NFATC2: variants seen among roughly 807,000 people sequenced by gnomAD.
NFATC2 encodes nuclear factor of activated T cells 2.
A neutral mutation model predicts 87.3 loss-of-function variants in NFATC2; 22 were observed. The observed-to-expected ratio is 0.25, with a 90% confidence interval of 0.18 to 0.36. NFATC2 has a LOEUF of 0.36. NFATC2 is among the 10% of genes least tolerant of loss of function. The probability of loss-of-function intolerance (pLI) is 1.00; values close to 1 mark genes in which losing one functional copy is unlikely to be tolerated. For missense variants in NFATC2, 1,149 were observed against 1,259.1 expected (o/e 0.91, Z 1.32); for synonymous variants, 565 against 542.2 (o/e 1.04, Z -0.58).
intron 5 of NFATC2, among the ~76,000 whole-genome samples, chr20:51,460,604 C>T (rs886866361): frequency 2.7e-5 from 4 of 149,402 alleles, no homozygotes; most frequent in Admixed American, 6.7e-5. Flanking sequence ...CTGCTGTTCT[C>T]GGTGAATCCT....
chr20:51,447,086 GA>G (rs3838020), intron 6 of NFATC2, among the ~76,000 whole-genome samples: 61,422 of 151,132 alleles, frequency 0.41, 14,999 homozygotes, highest in African/African-American at 0.69. Flanking sequence ...ACTTAATTTA[GA>G]AAAAAAAAAA....
chr20:51,517,003 G>A, intron 2 of NFATC2, 48 bp from the exon 3 acceptor site: 6 of 1,553,436 alleles, frequency 3.9e-6, no homozygotes, highest in Non-Finnish European at 5.3e-6. Context: ...ACCAAAATTA[G>A]TCAACTTGTA....
chr20:51,475,904 C>T (rs1285607512), intron 3 of NFATC2, among the ~76,000 whole-genome samples: 3 of 152,128 alleles, frequency 2.0e-5, no homozygotes, highest in Admixed American at 1.3e-4. Flanking sequence ...TAAGTCAGAA[C>T]TGCATTTATG....
chr20:51,533,511 C>G (rs1162142544), intron 1 of NFATC2, among the ~76,000 whole-genome samples: 1 of 152,236 alleles, frequency 6.6e-6, no homozygotes, highest in Admixed American at 6.5e-5. Flanking sequence ...GAAATTCCAT[C>G]TGGATAAATC....
At chr20:51,465,725 G>A (rs1187143997) in intron 5 of NFATC2, among the ~76,000 whole-genome samples, 1 of 151,892 alleles carries the variant, frequency 6.6e-6, no homozygotes, top group African/African-American at 2.4e-5. Context: ...TGCTGTTCCC[G>A]CACTCCCAAG....
chr20:51,489,655 C>T (rs748137950), intron 3 of NFATC2, among the ~76,000 whole-genome samples: 3 of 152,170 alleles, frequency 2.0e-5, no homozygotes, highest in Non-Finnish European at 4.4e-5. Flanking sequence ...CACATGGATA[C>T]GTGCACCGGC....
At chr20:51,423,267 G>A (rs951070099) in intron 9 of NFATC2, among the ~76,000 whole-genome samples, 26 of 130,626 alleles carry the variant, frequency 2.0e-4, no homozygotes, top group African/African-American at 7.0e-4. Context: ...TGCAGCCTGG[G>A]TGACAGAGTG....
rs183162272 is a variant in NFATC2, at chr20:51,560,988, G to A, written c.70+1572C>T. On this transcript the variant is annotated intron_variant, in intron 1 of 10. Transcript: ENST00000414705. ...CTCTTTCCAAATGGAGCTAAATTTG[G>A]CATTAGGCTGACCTCCACCCCCACC... Among the ~76,000 whole-genome samples, 215 of 151,966 alleles carry A rather than the reference G, an allele frequency of 1.4e-3. 6 individuals carry two copies. The East Asian group carries it at 0.037, about 26-fold the overall frequency.
At chr20:51,516,704 G>A in intron 3 of NFATC2, 80 bp downstream of exon 3, 1 of 1,456,566 alleles carries the variant, frequency 6.9e-7, no homozygotes, top group Non-Finnish European at 9.3e-7. Context: ...ACCTTAACAA[G>A]CAACAAACAG....
At chr20:51,437,576 C>T (rs1263745497) in intron 6 of NFATC2, among the ~76,000 whole-genome samples, 1 of 152,072 alleles carries the variant, frequency 6.6e-6, no homozygotes, top group Non-Finnish European at 1.5e-5. Context: ...CTCCCACCCA[C>T]CTCCCCCATG....
intron 1 of NFATC2, among the ~76,000 whole-genome samples, chr20:51,557,980 A>G (rs1400857101): frequency 6.6e-6 from 1 of 152,220 alleles, no homozygotes; most frequent in African/African-American, 2.4e-5. Flanking sequence ...AGCAGAGCCC[A>G]GAGGAGGCCT....
chr20:51,427,192 G>C (rs1340669467), intron 9 of NFATC2, among the ~76,000 whole-genome samples: 1 of 152,124 alleles, frequency 6.6e-6, no homozygotes, highest in Non-Finnish European at 1.5e-5. Flanking sequence ...CAAAACCTGT[G>C]GTGGGTTTGG....
intron 1 of NFATC2, among the ~76,000 whole-genome samples, chr20:51,560,197 C>G (rs2077009692): frequency 6.6e-6 from 1 of 152,150 alleles, no homozygotes; most frequent in South Asian, 2.1e-4. Flanking sequence ...CTCATTGAAT[C>G]TCATAACAAC....
intron 3 of NFATC2, among the ~76,000 whole-genome samples, chr20:51,499,616 G>A (rs920626080): frequency 6.6e-6 from 1 of 151,942 alleles, no homozygotes; most frequent in Non-Finnish European, 1.5e-5. Flanking sequence ...GCCAGGCGTG[G>A]TGGCTAATAC....
intron 1 of NFATC2, among the ~76,000 whole-genome samples, chr20:51,536,109 A>AT (rs1318583244): frequency 6.6e-6 from 1 of 152,234 alleles, no homozygotes; most frequent in Non-Finnish European, 1.5e-5. Context: ...GCTCCCTGTC[A>AT]TTTCTCATTT....
At chr20:51,400,896 C>CCTGGG (rs1273176630) in intron 9 of NFATC2, among the ~76,000 whole-genome samples, 1 of 152,116 alleles carries the variant, frequency 6.6e-6, no homozygotes, top group Non-Finnish European at 1.5e-5. Flanking sequence ...GGGTACTAGT[C>CCTGGG]CTGGGCTAGG....
At chr20:51,560,933 G>T (rs2077015590) in intron 1 of NFATC2, among the ~76,000 whole-genome samples, 1 of 152,142 alleles carries the variant, frequency 6.6e-6, no homozygotes, top group South Asian at 2.1e-4. Context: ...CAGAAGCCCA[G>T]TTTCTCATCC....
At chr20:51,433,732 T>C (rs996923609) in intron 8 of NFATC2, among the ~76,000 whole-genome samples, 9 of 150,838 alleles carry the variant, frequency 6.0e-5, no homozygotes, top group Non-Finnish European at 4.4e-5. Flanking sequence ...CATGTGTGTG[T>C]GCGCATGCGT....
chr20:51,536,141 C>A (rs1281647270), intron 1 of NFATC2, among the ~76,000 whole-genome samples: 1 of 152,200 alleles, frequency 6.6e-6, no homozygotes, highest in African/African-American at 2.4e-5. Flanking sequence ...AGGAGTTTTC[C>A]AATGAGTATA....
Sources: gnomAD v4.1 joint callset for allele counts (sites outside exome capture counted in the v4.1 genomes callset) on GRCh38, gnomAD v4.1.1 for gene constraint, MANE v1.5 for transcripts, NCBI Gene and HGNC (gene_info 2026-07-23, HGNC 2026-07-21) for gene names.